Variants in RASAL2 observed in about 807,000 individuals in gnomAD.
The protein encoded by RASAL2 is ras GTPase-activating protein nGAP.
Under a neutral mutation model 128.9 loss-of-function variants are expected in RASAL2, and 58 were observed. The observed-to-expected ratio is 0.45, with a 90% confidence interval of 0.36 to 0.56. The LOEUF (loss-of-function observed/expected upper bound fraction) is 0.56, where lower values mean the gene tolerates loss of function less well. RASAL2 is among the 20% of genes least tolerant of loss of function. The pLI is 0.00. For missense variants in RASAL2, 1,360 were observed against 1,601.6 expected, an observed-to-expected ratio of 0.85 and a Z score of 2.57; for synonymous variants, 561 against 580.8, an observed-to-expected ratio of 0.97 and a Z score of 0.49.
intron 1 of RASAL2, among the ~76,000 whole-genome samples, chr1:178,264,022 T>C (rs1286803902): frequency 6.6e-6 from 1 of 152,154 alleles, no homozygotes; most frequent in African/African-American, 2.4e-5. Context: ...ATGGGAGAAA[T>C]AAAAATTTTA....
chr1:178,168,648 G>T (rs1233540870), intron 1 of RASAL2, among the ~76,000 whole-genome samples: 2 of 152,052 alleles, frequency 1.3e-5, no homozygotes, highest in African/African-American at 4.8e-5. Context: ...TAGGCTAGTT[G>T]AAATGCACAC....
intron 1 of RASAL2, among the ~76,000 whole-genome samples, chr1:178,164,424 G>T (rs1358242706): frequency 1.3e-5 from 2 of 151,932 alleles, no homozygotes; most frequent in Admixed American, 1.3e-4. Context: ...AAAATCTTCA[G>T]GGGAAATGTA....
chr1:178,271,571 A>T (rs1052707877), intron 1 of RASAL2, among the ~76,000 whole-genome samples: 1 of 152,166 alleles, frequency 6.6e-6, no homozygotes, highest in Non-Finnish European at 1.5e-5. Context: ...AGACAGATGG[A>T]TCTAGCATTT....
At chr1:178,374,189 A>G (rs1449090704) in intron 3 of RASAL2, among the ~76,000 whole-genome samples, 1 of 152,172 alleles carries the variant, frequency 6.6e-6, no homozygotes, top group East Asian at 1.9e-4. Context: ...CACAGGAATG[A>G]GGAACAAAAC....
At chr1:178,445,802 T>C in intron 9 of RASAL2, 140 bp downstream of exon 9, 1 of 870,694 alleles carries the variant, frequency 1.1e-6, no homozygotes, top group Non-Finnish European at 1.7e-6. Flanking sequence ...GAATCATGGC[T>C]GTAAGAAGTC....
At chr1:178,454,372 C>G (rs1572104356) in intron 11 of RASAL2, 75 bp from the exon 12 acceptor site, 3 of 1,237,518 alleles carry the variant, frequency 2.4e-6, no homozygotes, top group Non-Finnish European at 2.3e-6. Flanking sequence ...AGTAATAGTT[C>G]TGTGTAATGT....
rs1396905032 is a variant in RASAL2 at position 178,478,325 on chromosome 1, T to C, written c.*5086T>C. On this transcript the variant is annotated 3_prime_UTR_variant, in exon 18 of 18. Transcript: ENST00000367649. ...TCGAGGGAAACATTTCAATTCCCAG[T>C]TCAACAAAAGGTTAAATACTAATTG... 1 of 152,222 alleles carries C rather than the reference T, an allele frequency of 6.6e-6. No homozygotes were observed. The allele number at this position is 152,222 out of a possible 1,614,324, so 9.4% of individuals were successfully genotyped here.
chr1:178,160,616 C>G (rs1661249752), intron 1 of RASAL2, among the ~76,000 whole-genome samples: 1 of 152,170 alleles, frequency 6.6e-6, no homozygotes, highest in African/African-American at 2.4e-5. Context: ...GCCTGGACTA[C>G]AAGGGTGAAA....
intron 4 of RASAL2, among the ~76,000 whole-genome samples, chr1:178,410,331 T>C (rs1674280990): frequency 6.6e-6 from 1 of 152,052 alleles, no homozygotes; most frequent in Admixed American, 6.6e-5. Flanking sequence ...TGTTGAAGAA[T>C]GAAGCTGGGT....
intron 1 of RASAL2, among the ~76,000 whole-genome samples, chr1:178,151,577 A>G (rs1660916131): frequency 6.6e-6 from 1 of 152,226 alleles, no homozygotes; most frequent in South Asian, 2.1e-4. Context: ...TTGCAGTGAC[A>G]TGGTAGAACA....
At chr1:178,466,984 G>T (rs541796559) in intron 16 of RASAL2, among the ~76,000 whole-genome samples, 1 of 152,342 alleles carries the variant, frequency 6.6e-6, no homozygotes, top group East Asian at 1.9e-4. Context: ...CAAGGGAAGA[G>T]AAAGTGGGCC....
chr1:178,439,998 C>CATCCATCCATCCATCCATCT (rs1553233923), intron 6 of RASAL2, among the ~76,000 whole-genome samples: 3,143 of 150,886 alleles, frequency 0.021, 120 homozygotes, highest in African/African-American at 0.071. Flanking sequence ...TCCATCCATC[C>CATCCATCCATCCATCCATCT]ATCCATCCAT....
In RASAL2 at chr1:178,094,402, C is replaced by T. The variant is rs944955457; in HGVS notation, c.-91C>T. The T allele has an allele frequency of 1.6e-6, 2 of 1,249,994 alleles. No homozygotes were observed. The highest frequency in any genetic ancestry group is 1.6e-5 in the South Asian group (1 of 63,234). The allele number at this position is 1,249,994 out of a possible 1,614,324, so 77.4% of individuals were successfully genotyped here. On this transcript the variant is annotated 5_prime_UTR_variant, in exon 1 of 18. Coordinates refer to ENST00000367649, the MANE Select transcript of RASAL2 (RefSeq NM_170692.4). ...CGGGTCCCTGCCCTCGCTGCGCGCT[C>T]TCCTCCTCCCCTTACCGCAGGCAGG...
intron 3 of RASAL2, among the ~76,000 whole-genome samples, chr1:178,385,525 A>G (rs1156535070): frequency 1.3e-5 from 2 of 152,172 alleles, no homozygotes; most frequent in Admixed American, 6.5e-5. Flanking sequence ...ATGTCTGACC[A>G]GGTGGTTTTT....
Position 178,472,954 on chromosome 1 carries a change from T to C in RASAL2, c.3679-121T>C, listed in dbSNP as rs867340674. On this transcript the variant is annotated intron_variant, in intron 17 of 17. Coordinates refer to ENST00000367649, the MANE Select transcript of RASAL2 (RefSeq NM_170692.4). ...GCAGAAAGAGGCAGAGACGTTCCAT[T>C]TGTCTGGGAAGCACCATGCATACAA... The C allele has an allele frequency of 4.6e-5, 53 of 1,153,974 alleles. 1 individual carries two copies. The highest frequency in any genetic ancestry group is 2.0e-4 in the Middle Eastern group (1 of 4,972). The allele number at this position is 1,153,974 out of a possible 1,614,324, so 71.5% of individuals were successfully genotyped here. A position where few individuals can be genotyped will look rare whatever the true frequency, so the allele number is the denominator to read the frequency against.
intron 1 of RASAL2, among the ~76,000 whole-genome samples, chr1:178,200,197 AC>A (rs1189350288): frequency 6.6e-6 from 1 of 152,216 alleles, no homozygotes; most frequent in Non-Finnish European, 1.5e-5. Context: ...TTCTAGAGGA[AC>A]AGAATATTAA....
intron 1 of RASAL2, among the ~76,000 whole-genome samples, chr1:178,197,988 T>C (rs1449377647): frequency 6.6e-6 from 1 of 152,196 alleles, no homozygotes; most frequent in Non-Finnish European, 1.5e-5. Context: ...CTCAGAATGA[T>C]GGTTTCCAGC....
intron 1 of RASAL2, among the ~76,000 whole-genome samples, chr1:178,152,044 T>C (rs529913352): frequency 6.6e-6 from 1 of 152,316 alleles, no homozygotes; most frequent in South Asian, 2.1e-4. Context: ...TGATTACACC[T>C]AAATTTATGC....
chr1:178,306,795 T>C (rs1253074785), intron 3 of RASAL2, among the ~76,000 whole-genome samples: 1 of 147,050 alleles, frequency 6.8e-6, no homozygotes, highest in Non-Finnish European at 1.5e-5. Context: ...ATTCTGGATA[T>C]TAGCCCTTTG....
Sources: allele counts gnomAD v4.1 joint callset (sites outside exome capture counted in the v4.1 genomes callset), GRCh38; gene constraint gnomAD v4.1.1; transcripts MANE v1.5; gene names NCBI Gene and HGNC (gene_info 2026-07-23, HGNC 2026-07-21).